Variants in CRY2 observed in about 807,000 individuals in gnomAD.
CRY2 encodes the protein cryptochrome-2.
CRY2 carries 31 observed loss-of-function variants against 69.5 expected under a neutral mutation model. That is an observed-to-expected ratio of 0.45 (90% CI 0.34 to 0.60). The LOEUF (loss-of-function observed/expected upper bound fraction) is 0.60, where lower values mean the gene tolerates loss of function less well. CRY2 is among the 20% of genes least tolerant of loss of function. The pLI is 0.02. For missense variants in CRY2, 606 were observed against 797.8 expected (o/e 0.76, Z 2.90); for synonymous variants, 303 against 312.2 (o/e 0.97, Z 0.31).
rs757332356 is a variant in CRY2, at chr11:45,870,046, T to C, written c.1195-7T>C. The C allele has an allele frequency of 3.1e-6, 5 of 1,590,928 alleles. No homozygotes were observed. Among genetic ancestry groups the C allele is most frequent in the African/African-American group, 1.3e-5 (1 of 74,596 alleles). On this transcript the variant is annotated splice_polypyrimidine_tract_variant and splice_region_variant and intron_variant, in intron 7 of 11. Transcript: ENST00000616080. Reference sequence around the variant, plus strand: ...CAAGGAGGCTGATCATCCCCTCCCCTATCTAGGTATTTGATGAGCTGCTCC... The same window carrying C: ...CAAGGAGGCTGATCATCCCCTCCCCCATCTAGGTATTTGATGAGCTGCTCC...
chr11:45,859,833 C>T (rs533549712), intron 3 of CRY2, among the ~76,000 whole-genome samples: 4 of 152,054 alleles, frequency 2.6e-5, no homozygotes, highest in African/African-American at 7.2e-5. Context: ...TCCCCACCCC[C>T]ACTTCCCAAC....
intron 1 of CRY2, among the ~76,000 whole-genome samples, chr11:45,848,131 A>G (rs1034088578): frequency 1.4e-4 from 22 of 152,256 alleles, no homozygotes; most frequent in South Asian, 6.2e-4. Flanking sequence ...CGCATTCTTC[A>G]AGAGCCCGTT....
chr11:45,869,890 G>C, intron 7 of CRY2, 73 bp downstream of exon 7: 21 of 1,530,780 alleles, frequency 1.4e-5, no homozygotes, highest in Non-Finnish European at 1.8e-5. Flanking sequence ...CCCCTTCTGG[G>C]CTGAGGGATG....
intron 1 of CRY2, among the ~76,000 whole-genome samples, chr11:45,853,756 C>A (rs1296806907): frequency 2.0e-5 from 3 of 152,228 alleles, no homozygotes; most frequent in Non-Finnish European, 4.4e-5. Flanking sequence ...GATTTCTCTT[C>A]TTTTCCTTCC....
intron 11 of CRY2, among the ~76,000 whole-genome samples, chr11:45,879,760 A>T (rs1231766640): frequency 6.6e-6 from 1 of 152,252 alleles, no homozygotes; most frequent in Non-Finnish European, 1.5e-5. Context: ...AAAGTACCAC[A>T]GACTGGGTGG....
At chr11:45,880,282 C>T (rs1398654189) in intron 11 of CRY2, among the ~76,000 whole-genome samples, 3 of 152,242 alleles carry the variant, frequency 2.0e-5, no homozygotes, top group Non-Finnish European at 4.4e-5. Context: ...CAGGCGCACT[C>T]TGTCCTTCCT....
intron 11 of CRY2, among the ~76,000 whole-genome samples, chr11:45,872,602 A>T (rs2086394977): frequency 6.6e-6 from 1 of 152,090 alleles, no homozygotes; most frequent in African/African-American, 2.4e-5. Flanking sequence ...AATAATAATA[A>T]TAATAATCTG....
intron 5 of CRY2, among the ~76,000 whole-genome samples, chr11:45,864,600 TAAAAG>T (rs2086314513): frequency 7.0e-6 from 1 of 142,612 alleles, no homozygotes; most frequent in East Asian, 2.1e-4. Context: ...GTCTCAGAAA[TAAAAG>T]AAAAAGAATC....
intron 5 of CRY2, among the ~76,000 whole-genome samples, chr11:45,866,449 G>A (rs2086331364): frequency 6.6e-6 from 1 of 152,228 alleles, no homozygotes; most frequent in Non-Finnish European, 1.5e-5. Context: ...ACCAGGAGAT[G>A]TGGAGTCACA....
At chr11:45,880,526 T>C (rs1416607744) in intron 11 of CRY2, among the ~76,000 whole-genome samples, 1 of 152,158 alleles carries the variant, frequency 6.6e-6, no homozygotes, top group Non-Finnish European at 1.5e-5. Flanking sequence ...TTCCAGCCAT[T>C]TTTTCCTGAT....
rs147922819 is a variant in CRY2, at chr11:45,873,611, A to G, written c.*2+1378A>G. Among the ~76,000 whole-genome samples the G allele has an allele frequency of 6.1e-3, 930 of 152,360 alleles. 13 individuals carry two copies. Among genetic ancestry groups the G allele is most frequent in the Middle Eastern group, 0.02 (6 of 294 alleles). ...GTTGCTCAGTAAGCTAATGGTGTCC[A>G]ATTCAACATGAAATTGTTGCCAGCA... On this transcript the variant is annotated intron_variant, in intron 11 of 11. Transcript: ENST00000616080.
At chr11:45,866,964 A>G (rs959025930) in intron 5 of CRY2, among the ~76,000 whole-genome samples, 1 of 152,098 alleles carries the variant, frequency 6.6e-6, no homozygotes, top group Non-Finnish European at 1.5e-5. Flanking sequence ...TCAAAAAAGA[A>G]AAAAAAATAA....
rs772839139 is a variant in CRY2 at position 45,870,124 on chromosome 11, T to A, written c.1266T>A (p.Ser422Arg). ...GCAGCTGGATGTGGCTGTCCTGCAGTGCTTTCTTCCAGCAGTTCTTCCACT... is the reference window on the plus strand; with the variant it reads ...GCAGCTGGATGTGGCTGTCCTGCAGAGCTTTCTTCCAGCAGTTCTTCCACT... ...NAGSWMWLSC[S>R]AFFQQFFHCY... Residue 422 changes from serine (S) to arginine (R), a missense_variant, in exon 8 of 12, where the codon AGT (serine) becomes AGA (arginine). By Grantham distance (110) the Ser-to-Arg change is moderately radical (BLOSUM62 -1). This residue lies in a region of CRY2 where 3 missense variants were observed against 20.7 expected (regional missense o/e 0.15). Coordinates refer to ENST00000616080, the MANE Select transcript of CRY2 (RefSeq NM_021117.5). 1 of 1,613,876 alleles carries A rather than the reference T, an allele frequency of 6.2e-7. No homozygotes were observed. Among genetic ancestry groups the A allele is most frequent in the Non-Finnish European group, 8.5e-7 (1 of 1,179,934 alleles).
chr11:45,869,378 C>A, intron 6 of CRY2, 128 bp from the exon 7 acceptor site: 3 of 957,368 alleles, frequency 3.1e-6, no homozygotes, highest in South Asian at 1.6e-5. Context: ...GGGGATAGTC[C>A]CTCCACATCT....
chr11:45,870,954 C>G lies in CRY2; in HGVS notation c.1642+20C>G, dbSNP rs1200093511. ...GTGCAGGTGAGCAGCAGCAACCAAC[C>G]TCCTGTGGCCTCCTGTGGCCTGTGC... On this transcript the variant is annotated intron_variant, in intron 10 of 11. Coordinates refer to ENST00000616080, the MANE Select transcript of CRY2 (RefSeq NM_021117.5). 1.3e-6 allele frequency: 2 copies of G among 1,562,518 alleles called. No homozygotes were observed. Among genetic ancestry groups the G allele is most frequent in the Admixed American group, 3.4e-5 (2 of 58,192 alleles).
rs571245268 is a variant in CRY2 at position 45,849,794 on chromosome 11, T to C, written c.215+2089T>C. Among the ~76,000 whole-genome samples the C allele has an allele frequency of 1.9e-4, 29 of 152,228 alleles. No individual in the cohort carries two copies. The South Asian group carries it at 5.0e-3, about 26-fold the overall frequency. ...CATCGCCACACCTGGCTAATTATTT[T>C]GTATTTTTAGTAGAGACAGGGTTTC... On this transcript the variant is annotated intron_variant, in intron 1 of 11. Transcript: ENST00000616080.
intron 2 of CRY2, among the ~76,000 whole-genome samples, chr11:45,857,000 G>A (rs2086245400): frequency 6.6e-6 from 1 of 152,096 alleles, no homozygotes; most frequent in African/African-American, 2.4e-5. Flanking sequence ...AGGGCTGTGG[G>A]ACAGACTGCC....
At position 45,870,102 on chromosome 11, in the gene CRY2, G is replaced by A. The variant is rs2086365396; in HGVS notation, c.1244G>A (p.Ser415Asn). The stretch of plus-strand genomic sequence containing the variant: ...GCAGATTTCAGCGTGAACGCAGGCA[G>A]CTGGATGTGGCTGTCCTGCAGTGCT... ...LDADFSVNAG[S>N]WMWLSCSAFF... Residue 415 changes from serine to asparagine, a missense_variant, in exon 8 of 12, where the codon AGC (serine) becomes AAC (asparagine). Coordinates refer to ENST00000616080, the MANE Select transcript of CRY2 (RefSeq NM_021117.5). The A allele has an allele frequency of 1.2e-6, 2 of 1,613,032 alleles. No individual in the cohort carries two copies. The highest frequency in any genetic ancestry group is 4.5e-5 in the East Asian group (2 of 44,846).
rs998645171 is a variant in CRY2, at chr11:45,874,915, C to T, written c.*2+2682C>T. ...CCAAGATCGTACCACTGCACTCCAG[C>T]CTGGGTGACAGAGCTAGACTCAGTC... On this transcript the variant is annotated intron_variant, in intron 11 of 11. Coordinates refer to ENST00000616080, the MANE Select transcript of CRY2 (RefSeq NM_021117.5). Among the ~76,000 whole-genome samples the T allele has an allele frequency of 4.6e-5, 7 of 152,288 alleles. 1 individual carries two copies. In the South Asian group the frequency reaches 1.5e-3, roughly 32 times the overall value.
Sources: allele counts gnomAD v4.1 joint callset (sites outside exome capture counted in the v4.1 genomes callset), GRCh38; gene constraint gnomAD v4.1.1; regional missense constraint gnomAD v4.1.1; transcripts MANE v1.5; gene names NCBI Gene and HGNC (gene_info 2026-07-23, HGNC 2026-07-21).